The following TAX1BP1 variants were observed in gnomAD, a reference collection of about 807,000 sequenced individuals.
TAX1BP1 encodes the protein tax1-binding protein 1.
Under a neutral mutation model 97.7 loss-of-function variants are expected in TAX1BP1, and 62 were observed. The observed-to-expected ratio is 0.63, with a 90% CI of 0.52 to 0.78. The LOEUF is 0.78. Ranked by LOEUF, TAX1BP1 falls within the 30% of genes least tolerant of loss-of-function variation. The pLI is 0.00. For synonymous variants in TAX1BP1, 340 were observed against 304.2 expected (o/e 1.12, Z -1.23); for missense variants, 867 against 916.1 (o/e 0.95, Z 0.69).
intron 5 of TAX1BP1, among the ~76,000 whole-genome samples, chr7:27,778,585 C>T (rs1482227806): frequency 6.6e-6 from 1 of 152,050 alleles, no homozygotes; most frequent in Non-Finnish European, 1.5e-5. Context: ...ATACAATTGG[C>T]CAGGTGCGGT....
intron 4 of TAX1BP1, among the ~76,000 whole-genome samples, chr7:27,768,563 C>G (rs1788728603): frequency 6.6e-6 from 1 of 151,876 alleles, no homozygotes. Flanking sequence ...GAGTTTTGAG[C>G]CAGATTTAAT....
Position 27,829,319 on chromosome 7 carries a change from T to A in TAX1BP1, c.*490T>A, listed in dbSNP as rs1782609735. 1 of 152,330 alleles carries A rather than the reference T, an allele frequency of 6.6e-6. No homozygotes were observed. Among genetic ancestry groups the A allele is most frequent in the African/African-American group, 2.4e-5 (1 of 41,472 alleles). The allele number at this position is 152,330 out of a possible 1,614,324, so 9.4% of individuals were successfully genotyped here. ...TTCTATAATTTAGCCCATGAAATGA[T>A]AGGTTTTTAATTTTCAGAAATGGAG... On this transcript the variant is annotated 3_prime_UTR_variant, in exon 17 of 17. Transcript: ENST00000396319.
chr7:27,769,869 T>C (rs371609073), intron 5 of TAX1BP1, 35 bp downstream of exon 5: 4 of 1,602,864 alleles, frequency 2.5e-6, no homozygotes, highest in Admixed American at 3.4e-5. Flanking sequence ...TTGAAGTTGA[T>C]AGTATATTGC....
intron 15 of TAX1BP1, among the ~76,000 whole-genome samples, chr7:27,823,087 A>G (rs1422971004): frequency 6.6e-6 from 1 of 152,196 alleles, no homozygotes; most frequent in African/African-American, 2.4e-5. Context: ...CTGATTTTAA[A>G]TGCTTTTAAA....
intron 13 of TAX1BP1, among the ~76,000 whole-genome samples, chr7:27,814,053 C>T (rs967130499): frequency 1.3e-5 from 2 of 150,908 alleles, no homozygotes; most frequent in Non-Finnish European, 2.9e-5. Flanking sequence ...GCCTCGGCCT[C>T]CCAAAGTGCT....
Position 27,742,514 on chromosome 7 carries a change from C to G in TAX1BP1, c.-8+2245C>G, listed in dbSNP as rs138366895. ...TGGTAAGGTCATAGATTAACAGAAT[C>G]TCAAGGCAGAATAATTTTTCTTAGT... On this transcript the variant is annotated intron_variant, in intron 1 of 16. Transcript: ENST00000396319. Among the ~76,000 whole-genome samples, 286 of 152,310 alleles carry G rather than the reference C, an allele frequency of 1.9e-3. 1 individual carries two copies. Among genetic ancestry groups the G allele is most frequent in the African/African-American group, 6.5e-3 (272 of 41,576 alleles).
At chr7:27,769,068 G>A (rs1292300206) in intron 4 of TAX1BP1, among the ~76,000 whole-genome samples, 1 of 151,636 alleles carries the variant, frequency 6.6e-6, no homozygotes, top group African/African-American at 2.4e-5. Context: ...TAAGAATCAG[G>A]TATATTGTTA....
chr7:27,811,422 A>G (rs1030701668), intron 13 of TAX1BP1, among the ~76,000 whole-genome samples: 3 of 152,116 alleles, frequency 2.0e-5, no homozygotes, highest in Admixed American at 2.0e-4. Context: ...TTTCATTTTA[A>G]GGTTACTTAG....
intron 15 of TAX1BP1, among the ~76,000 whole-genome samples, chr7:27,822,860 C>T (rs987912575): frequency 6.6e-6 from 1 of 152,120 alleles, no homozygotes; most frequent in East Asian, 1.9e-4. Context: ...ACCATGGTCT[C>T]TCCAAGGTTT....
chr7:27,787,557 A>G lies in TAX1BP1; in HGVS notation c.992A>G (p.Glu331Gly). The G allele has an allele frequency of 6.2e-7, 1 of 1,612,956 alleles. No individual in the cohort carries two copies. Among genetic ancestry groups the G allele is most frequent in the Non-Finnish European group, 8.5e-7 (1 of 1,179,484 alleles). Residue 331 changes from glutamate to glycine, a missense_variant, in exon 8 of 17, where the codon GAA becomes GGA. Transcript: ENST00000396319. Reference protein sequence around the residue: ...EIGRLQLCLAEKENLQRTFLL... With the variant: ...EIGRLQLCLAGKENLQRTFLL... ...GGCAGGCTGCAGTTATGTTTGGCTG[A>G]AAAGGAAAATCTGCAAAGAACTTTC...
chr7:27,827,971 A>G, intron 16 of TAX1BP1, 151 bp downstream of exon 16: 2 of 585,446 alleles, frequency 3.4e-6, no homozygotes, highest in East Asian at 2.8e-5. Flanking sequence ...TATGTGTTTT[A>G]ACATGTCCTC....
intron 15 of TAX1BP1, among the ~76,000 whole-genome samples, chr7:27,823,388 TAGTA>T (rs1389205327): frequency 3.3e-5 from 5 of 152,232 alleles, no homozygotes; most frequent in African/African-American, 9.6e-5. Flanking sequence ...ATTATCAACT[TAGTA>T]AGAGTTTTGT....
chr7:27,795,776 T>C (rs1263299559), intron 11 of TAX1BP1, among the ~76,000 whole-genome samples: 2 of 152,146 alleles, frequency 1.3e-5, no homozygotes, highest in African/African-American at 2.4e-5. Flanking sequence ...ATGGTCTCGA[T>C]CTCCTGCCTC....
intron 5 of TAX1BP1, among the ~76,000 whole-genome samples, chr7:27,773,120 G>A (rs1788905917): frequency 6.6e-6 from 1 of 152,066 alleles, no homozygotes; most frequent in South Asian, 2.1e-4. Context: ...AGTATCGTCT[G>A]CATTTTTCAG....
intron 13 of TAX1BP1, among the ~76,000 whole-genome samples, chr7:27,812,428 T>C (rs183902968): frequency 9.1e-4 from 138 of 152,336 alleles, no homozygotes; most frequent in Non-Finnish European, 1.5e-3. Flanking sequence ...TCTTCCAGTC[T>C]GTGATTTCTT....
chr7:27,769,070 A>G (rs1788747759), intron 4 of TAX1BP1, among the ~76,000 whole-genome samples: 1 of 151,860 alleles, frequency 6.6e-6, no homozygotes, highest in Non-Finnish European at 1.5e-5. Flanking sequence ...AGAATCAGGT[A>G]TATTGTTAAT....
intron 3 of TAX1BP1, 97 bp downstream of exon 3, chr7:27,758,230 G>T: frequency 1.1e-6 from 1 of 925,248 alleles, no homozygotes; most frequent in Non-Finnish European, 1.6e-6. Flanking sequence ...GGTATCTCCA[G>T]GGTACCAAAG....
intron 13 of TAX1BP1, among the ~76,000 whole-genome samples, chr7:27,800,490 G>A (rs1026412868): frequency 6.6e-6 from 1 of 152,092 alleles, no homozygotes; most frequent in Non-Finnish European, 1.5e-5. Context: ...GCCAGTCTGG[G>A]AGGATTGCTT....
Position 27,793,143 on chromosome 7 carries a change from C to A in TAX1BP1, c.1341C>A (p.Asp447Glu). 1.3e-6 allele frequency: 2 copies of A among 1,598,252 alleles called. No individual in the cohort carries two copies. Among genetic ancestry groups the A allele is most frequent in the Non-Finnish European group, 1.7e-6 (2 of 1,176,374 alleles). Reference sequence around the variant, plus strand: ...AACTCCGTCTTCAGATGGCTGCAGACCATTATAAAGAAAAATTTAAGGAAT... The same window carrying A: ...AACTCCGTCTTCAGATGGCTGCAGAACATTATAAAGAAAAATTTAAGGAAT... Reference protein sequence around the residue: ...DLKLRLQMAADHYKEKFKECQ... With the variant: ...DLKLRLQMAAEHYKEKFKECQ... The change falls in exon 10 of 17, where the codon GAC becomes GAA. Residue 447 changes from aspartate to glutamate, a missense_variant. This residue lies in a region of TAX1BP1 where 822 missense variants were observed against 851.4 expected (regional missense o/e 0.97). Coordinates refer to ENST00000396319, the MANE Select transcript of TAX1BP1 (RefSeq NM_006024.7).
Sources: gnomAD v4.1 joint callset for allele counts (sites outside exome capture counted in the v4.1 genomes callset) on GRCh38, gnomAD v4.1.1 for gene constraint, gnomAD v4.1.1 regional missense constraint, MANE v1.5 for transcripts, NCBI Gene and HGNC (gene_info 2026-07-23, HGNC 2026-07-21) for gene names.